The following RAPGEF4 variants were observed in gnomAD, a reference collection of about 807,000 sequenced individuals.
RAPGEF4 encodes RAP guanine-nucleotide-exchange factor (GEF) 4.
In RAPGEF4, 66 loss-of-function variants were observed where a neutral mutation model predicts 147.9. The ratio of observed to expected loss-of-function variants is 0.45; its 90% CI spans 0.37 to 0.55. RAPGEF4 has a LOEUF of 0.55. Among genes scored for constraint, RAPGEF4 ranks in the 20% least tolerant of loss-of-function variants. RAPGEF4 has a pLI of 0.00. For synonymous variants in RAPGEF4, 419 were observed against 442.7 expected (o/e 0.95, Z 0.67); for missense variants, 1,071 against 1,257.3 (o/e 0.85, Z 2.24).
At chr2:172,955,660 G>A (rs1688654795) in intron 6 of RAPGEF4, among the ~76,000 whole-genome samples, 1 of 152,174 alleles carries the variant, frequency 6.6e-6, no homozygotes, top group African/African-American at 2.4e-5. Flanking sequence ...GGGCTCATTT[G>A]TGATACGTGT....
chr2:172,927,375 A>G (rs1424550137), intron 6 of RAPGEF4, among the ~76,000 whole-genome samples: 1 of 152,206 alleles, frequency 6.6e-6, no homozygotes, highest in Non-Finnish European at 1.5e-5. Flanking sequence ...AATATTTTCC[A>G]CCTATTATAT....
intron 12 of RAPGEF4, among the ~76,000 whole-genome samples, chr2:172,985,983 T>C (rs746513213): frequency 2.6e-5 from 4 of 152,210 alleles, no homozygotes; most frequent in Non-Finnish European, 4.4e-5. Flanking sequence ...CAAATACATA[T>C]GCAGTGTTAA....
At chr2:172,892,269 T>C (rs1698008896) in intron 4 of RAPGEF4, among the ~76,000 whole-genome samples, 1 of 152,228 alleles carries the variant, frequency 6.6e-6, no homozygotes, top group South Asian at 2.1e-4. Flanking sequence ...TTTTCATCGA[T>C]TAATGGATTG....
chr2:173,049,223 A>G (rs1390279300), intron 30 of RAPGEF4, among the ~76,000 whole-genome samples: 1 of 152,244 alleles, frequency 6.6e-6, no homozygotes, highest in Admixed American at 6.5e-5. Flanking sequence ...GAACTGGTAT[A>G]ATACTTTAAT....
chr2:173,043,609 A>T (rs1685041307), intron 29 of RAPGEF4, among the ~76,000 whole-genome samples: 1 of 152,224 alleles, frequency 6.6e-6, no homozygotes. Flanking sequence ...CTGGCTAGGA[A>T]GGTGGGGGCA....
intron 6 of RAPGEF4, among the ~76,000 whole-genome samples, chr2:172,933,314 T>C (rs1374675949): frequency 6.6e-6 from 1 of 151,674 alleles, no homozygotes; most frequent in African/African-American, 2.4e-5. Context: ...GATTTTCTGA[T>C]GGATTAAATA....
chr2:172,983,651 A>G (rs1448457771), intron 11 of RAPGEF4, 71 bp downstream of exon 11: 5 of 1,572,156 alleles, frequency 3.2e-6, no homozygotes, highest in Admixed American at 1.9e-5. Flanking sequence ...AGAGGAGAGT[A>G]TTACGGTGTT....
At chr2:172,778,093 A>G (rs183972304) in intron 1 of RAPGEF4, among the ~76,000 whole-genome samples, 137 of 152,328 alleles carry the variant, frequency 9.0e-4, no homozygotes, top group South Asian at 1.2e-3. Flanking sequence ...TTAGTGAAGT[A>G]AAGACACCTG....
Position 173,018,752 on chromosome 2 carries a change from A to G in RAPGEF4, c.2105A>G (p.Lys702Arg), listed in dbSNP as rs771699391. ...VKEVISAVADKLGSGEGLIIV... is the reference protein window; with the variant it reads ...VKEVISAVADRLGSGEGLIIV... ...GAAGTCATCAGTGCAGTTGCCGACAAGCTGGGCTCCGGGGAGGGCCTGATC... is the reference window on the plus strand; with the variant it reads ...GAAGTCATCAGTGCAGTTGCCGACAGGCTGGGCTCCGGGGAGGGCCTGATC... Residue 702 changes from lysine to arginine, a missense_variant, in exon 22 of 31, where the codon AAG (lysine) becomes AGG (arginine). Physicochemically the swap from Lys to Arg is conservative, Grantham distance 26. Coordinates refer to ENST00000397081, the MANE Select transcript of RAPGEF4 (RefSeq NM_007023.4). 5.6e-6 allele frequency: 9 copies of G among 1,614,006 alleles called. No homozygotes were observed. The Middle Eastern group carries it at 6.6e-4, about 118-fold the overall frequency.
rs375942114 is a variant in RAPGEF4 at position 172,803,060 on chromosome 2, G to T, written c.297+5447G>T. On this transcript the variant is annotated intron_variant, in intron 3 of 30. Transcript: ENST00000397081. Reference sequence around the variant, plus strand: ...CCCTTCTGGTTGCTTTCATGGGCTGGCATTGAGTGTATGCAGCTTTTCCAG... The same window carrying T: ...CCCTTCTGGTTGCTTTCATGGGCTGTCATTGAGTGTATGCAGCTTTTCCAG... 5.3e-5 allele frequency among the ~76,000 whole-genome samples: 8 copies of T among 152,272 alleles called. No homozygotes were observed. In the East Asian group the frequency reaches 1.4e-3, roughly 26 times the overall value.
intron 4 of RAPGEF4, among the ~76,000 whole-genome samples, chr2:172,842,066 C>G (rs964466932): frequency 6.6e-6 from 1 of 152,124 alleles, no homozygotes; most frequent in Non-Finnish European, 1.5e-5. Flanking sequence ...ATTCATCCAG[C>G]AAGTATATAT....
chr2:172,945,072 A>T (rs1390563148), intron 6 of RAPGEF4, among the ~76,000 whole-genome samples: 4 of 152,176 alleles, frequency 2.6e-5, no homozygotes, highest in African/African-American at 9.7e-5. Context: ...AACTTAATAT[A>T]TCATGCTACT....
At chr2:172,854,138 T>A (rs1693159494) in intron 4 of RAPGEF4, among the ~76,000 whole-genome samples, 1 of 152,058 alleles carries the variant, frequency 6.6e-6, no homozygotes, top group Admixed American at 6.6e-5. Flanking sequence ...TCAGGTCTTA[T>A]ATGTCCCCAC....
chr2:172,811,279 GC>G (rs1476817266), intron 3 of RAPGEF4, among the ~76,000 whole-genome samples: 2 of 152,260 alleles, frequency 1.3e-5, no homozygotes. Context: ...GCAGAATCTG[GC>G]AGGGCTCCAG....
intron 1 of RAPGEF4, among the ~76,000 whole-genome samples, chr2:172,774,067 T>C (rs981941008): frequency 7.2e-5 from 11 of 152,172 alleles, no homozygotes; most frequent in Admixed American, 1.3e-4. Context: ...AAAAAAGACT[T>C]ACTGTTGCGC....
chr2:172,980,178 G>T (rs1354226250), intron 10 of RAPGEF4, among the ~76,000 whole-genome samples: 2 of 152,196 alleles, frequency 1.3e-5, no homozygotes, highest in Admixed American at 1.3e-4. Flanking sequence ...TAGCTATCAG[G>T]GAAGATGTGA....
At chr2:173,016,224 C>T (rs1022310680) in intron 18 of RAPGEF4, 125 bp from the exon 19 acceptor site, 1 of 657,070 alleles carries the variant, frequency 1.5e-6, no homozygotes, top group Non-Finnish European at 2.7e-6. Flanking sequence ...TCCTCCAGTC[C>T]ATGAAGCCAT....
At chr2:172,921,461 A>G (rs1164809285) in intron 5 of RAPGEF4, among the ~76,000 whole-genome samples, 1 of 152,122 alleles carries the variant, frequency 6.6e-6, no homozygotes, top group Non-Finnish European at 1.5e-5. Context: ...TGTCCTGTTT[A>G]CTCAGAATTT....
At chr2:172,784,166 A>G (rs1684958471) in intron 1 of RAPGEF4, among the ~76,000 whole-genome samples, 1 of 152,084 alleles carries the variant, frequency 6.6e-6, no homozygotes, top group Non-Finnish European at 1.5e-5. Context: ...CATGATCTTT[A>G]TATCACCCGA....
Sources: gnomAD v4.1 joint callset for allele counts (sites outside exome capture counted in the v4.1 genomes callset) on GRCh38, gnomAD v4.1.1 for gene constraint, MANE v1.5 for transcripts, NCBI Gene and HGNC (gene_info 2026-07-23, HGNC 2026-07-21) for gene names.